Variants in THBS2 observed in about 807,000 individuals in gnomAD.
THBS2 encodes the protein thrombospondin-2.
A neutral mutation model predicts 135.2 loss-of-function variants in THBS2; 47 were observed. The observed-to-expected ratio is 0.35, with a 90% CI of 0.28 to 0.44. THBS2 has a LOEUF of 0.44. THBS2 is among the 20% of genes least tolerant of loss of function. The probability of loss-of-function intolerance (pLI) is 1.00; values close to 1 mark genes in which losing one functional copy is unlikely to be tolerated. For missense variants in THBS2, 1,288 were observed against 1,603.1 expected (o/e 0.80, Z 3.36); for synonymous variants, 639 against 633.8 (o/e 1.01, Z -0.12).
intron 4 of THBS2, among the ~76,000 whole-genome samples, chr6:169,244,922 C>T (rs552949665): frequency 2.6e-5 from 4 of 152,334 alleles, no homozygotes; most frequent in South Asian, 2.1e-4. Flanking sequence ...CCTCACAGGA[C>T]GTGCACAAGG....
At chr6:169,236,181 TC>T (rs1562359900) in intron 9 of THBS2, among the ~76,000 whole-genome samples, 6 of 62,622 alleles carry the variant, frequency 9.6e-5, no homozygotes, top group Admixed American at 2.0e-4. Flanking sequence ...CCACACTCAT[TC>T]CCCATCCACA....
intron 12 of THBS2, 42 bp downstream of exon 12, chr6:169,232,622 C>G: frequency 6.4e-7 from 1 of 1,552,844 alleles, no homozygotes; most frequent in Non-Finnish European, 8.7e-7. Flanking sequence ...CTGATTTTTC[C>G]AAAGCCGCTC....
chr6:169,233,099 C>G, intron 10 of THBS2, 82 bp from the exon 11 acceptor site: 1 of 1,425,918 alleles, frequency 7.0e-7, no homozygotes, highest in Non-Finnish European at 9.2e-7. Flanking sequence ...CCGTCAAACA[C>G]TCTGGGATGT....
rs900221679 is a variant in THBS2, at chr6:169,252,392, G to T, written c.-23+1332C>A. Among the ~76,000 whole-genome samples the T allele has an allele frequency of 6.6e-6, 1 of 152,166 alleles. No homozygotes were observed. The highest frequency in any genetic ancestry group is 2.1e-4 in the South Asian group (1 of 4,830). ...CCTCCCCACCTCATCAGCCCACACT[G>T]CCGGGTACGTCGCAGTCCCCTAAGG... On this transcript the variant is annotated intron_variant, in intron 1 of 21. Coordinates refer to ENST00000617924, the MANE Select transcript of THBS2 (RefSeq NM_003247.5). This position sits in a 1 kb window ranked among gnomAD's most constrained non-coding sequence, Gnocchi z 4.3.
chr6:169,217,874 G>T (rs376762086), intron 21 of THBS2, 45 bp from the exon 22 acceptor site: 26 of 1,571,268 alleles, frequency 1.7e-5, no homozygotes, highest in Non-Finnish European at 2.2e-5. Flanking sequence ...GCATAACTGG[G>T]CCATGGGTAG....
At chr6:169,220,368 A>G (rs1460025778) in intron 20 of THBS2, 31 bp from the exon 21 acceptor site, 1 of 1,589,784 alleles carries the variant, frequency 6.3e-7, no homozygotes, top group South Asian at 1.1e-5. Context: ...GAAGAAGAGG[A>G]AAGAAAGACA....
At chr6:169,249,027 G>T in intron 2 of THBS2, 54 bp from the exon 3 acceptor site, 1 of 1,528,504 alleles carries the variant, frequency 6.5e-7, no homozygotes, top group South Asian at 1.3e-5. Context: ...GGGCGAGGTT[G>T]GCCTGACCCA....
intron 7 of THBS2, among the ~76,000 whole-genome samples, chr6:169,238,523 G>T (rs1780184409): frequency 6.6e-6 from 1 of 152,166 alleles, no homozygotes; most frequent in Non-Finnish European, 1.5e-5. Context: ...GTCTAATGTG[G>T]GCCCTTTGAT....
Position 169,222,342 on chromosome 6 carries a change from T to C in THBS2, c.3128A>G (p.Lys1043Arg). The change falls in exon 19 of 22, where the codon AAG becomes AGG. Residue 1043 changes from lysine to arginine, a missense_variant. Coordinates refer to ENST00000617924, the MANE Select transcript of THBS2 (RefSeq NM_003247.5). The stretch of plus-strand genomic sequence containing the variant: ...CTCCCAGTAGGTCTGCGTCACCTGC[T>C]TCCACATCACCACATAGAAGCGGCT... ...SSSRFYVVMW[K>R]QVTQTYWEDQ... 6.2e-7 allele frequency: 1 copy of C among 1,613,682 alleles called. No homozygotes were observed. Among genetic ancestry groups the C allele is most frequent in the South Asian group, 1.1e-5 (1 of 91,086 alleles).
Position 169,226,407 on chromosome 6 carries a change from T to G in THBS2, c.2420-109A>C, listed in dbSNP as rs1779632049. On this transcript the variant is annotated intron_variant, in intron 15 of 21. Coordinates refer to ENST00000617924, the MANE Select transcript of THBS2 (RefSeq NM_003247.5). The stretch of plus-strand genomic sequence containing the variant: ...ACACGAAATTGCTTACAGCCACACT[T>G]CTATTTAATTATAATAAAAAGACGC... 6 of 689,184 alleles carry G rather than the reference T, an allele frequency of 8.7e-6. No individual in the cohort carries two copies. In the Admixed American group the frequency reaches 1.5e-4, roughly 17 times the overall value. The allele number at this position is 689,184 out of a possible 1,614,324, so 42.7% of individuals were successfully genotyped here.
At chr6:169,226,807 C>T (rs1386911289) in intron 15 of THBS2, among the ~76,000 whole-genome samples, 1 of 152,166 alleles carries the variant, frequency 6.6e-6, no homozygotes, top group Non-Finnish European at 1.5e-5. Context: ...CTGAACTAAA[C>T]AATACCATCA....
At chr6:169,245,106 G>A (rs953407752) in intron 4 of THBS2, among the ~76,000 whole-genome samples, 3 of 152,212 alleles carry the variant, frequency 2.0e-5, no homozygotes, top group Non-Finnish European at 4.4e-5. Context: ...AAATGGCCTG[G>A]CCTTCGTGTG....
At chr6:169,220,861 T>G (rs749317953) in intron 20 of THBS2, among the ~76,000 whole-genome samples, 18 of 152,342 alleles carry the variant, frequency 1.2e-4, no homozygotes, top group Admixed American at 6.5e-4. Context: ...CACACAGATC[T>G]GCCCTCTATT....
At chr6:169,234,669 C>A (rs1025190962) in intron 10 of THBS2, 65 bp downstream of exon 10, 19 of 1,392,092 alleles carry the variant, frequency 1.4e-5, no homozygotes, top group South Asian at 1.4e-4. Flanking sequence ...TTTCCCAAAG[C>A]GTTTGTGCTT....
chr6:169,242,879 A>ACCTTC (rs1780392720), intron 4 of THBS2, among the ~76,000 whole-genome samples: 1 of 24,746 alleles, frequency 4.0e-5, no homozygotes, highest in African/African-American at 1.8e-4. Flanking sequence ...CCACCTTCCC[A>ACCTTC]CCACTCCCAC....
In THBS2 at chr6:169,239,694, T is replaced by A. The variant is rs1450163365; in HGVS notation, c.1034A>T (p.Lys345Ile). ...VDSCTTCTCK[K>I]FKTICHQITC... ...GATTTGGTGGCAAATGGTTTTAAAT[T>A]TCTACAAGTGAAGAAAGGCATGCAT... Residue 345 changes from lysine (K) to isoleucine (I), a missense_variant and splice_region_variant, in exon 7 of 22, where the codon AAA becomes ATA. By Grantham distance (102) the Lys-to-Ile change is moderately radical. This residue lies in a region of THBS2 where 874 missense variants were observed against 1,156.1 expected (regional missense o/e 0.76). Coordinates refer to ENST00000617924, the MANE Select transcript of THBS2 (RefSeq NM_003247.5). 1.3e-6 allele frequency: 2 copies of A among 1,591,046 alleles called. No homozygotes were observed. Among genetic ancestry groups the A allele is most frequent in the African/African-American group, 2.7e-5 (2 of 74,830 alleles).
chr6:169,250,031 G>GA lies in THBS2; in HGVS notation c.52+701dup, dbSNP rs57472232. Among the ~76,000 whole-genome samples the GA allele has an allele frequency of 5.4e-3, 744 of 137,728 alleles. 10 individuals are homozygous for GA. Among genetic ancestry groups the GA allele is most frequent in the Non-Finnish European group, 4.1e-3 (262 of 63,734 alleles). 90.4% of individuals were successfully genotyped at this position (137,728 alleles called of 152,430 possible). ...GGTGACAGAGCAGGACTCCGTCCCA[G>GA]AAAAAAAAAAAAAAGTAATACACTG... On this transcript the variant is annotated intron_variant, in intron 2 of 21. Coordinates refer to ENST00000617924, the MANE Select transcript of THBS2 (RefSeq NM_003247.5).
rs1316874771 is a variant in THBS2, at chr6:169,226,255, A to T, written c.2463T>A (p.Thr821=). The part of the protein sequence containing the change: ...ERDNCPYVYN[T]DQRDTDGDGV... ...CGTCACCATCCGTGTCCCTCTGGTC[A>T]GTGTTGTAGACGTAGGGACAATTGT... Residue 821 remains threonine (T), a synonymous_variant, in exon 16 of 22, where the codon ACT becomes ACA. Coordinates refer to ENST00000617924, the MANE Select transcript of THBS2 (RefSeq NM_003247.5). The T allele has an allele frequency of 6.2e-7, 1 of 1,614,140 alleles. No individual in the cohort carries two copies. The highest frequency in any genetic ancestry group is 1.1e-5 in the South Asian group (1 of 91,084).
intron 1 of THBS2, among the ~76,000 whole-genome samples, chr6:169,253,411 G>A (rs947843138): frequency 4.6e-5 from 7 of 152,112 alleles, no homozygotes; most frequent in East Asian, 3.9e-4. Flanking sequence ...GCGTTTACCC[G>A]GGTTCCCAGG....
Sources: allele counts gnomAD v4.1 joint callset (sites outside exome capture counted in the v4.1 genomes callset), GRCh38; gene constraint gnomAD v4.1.1; regional missense constraint gnomAD v4.1.1; non-coding constraint Gnocchi (gnomAD v3.1); transcripts MANE v1.5; gene names NCBI Gene and HGNC (gene_info 2026-07-23, HGNC 2026-07-21).